CSMD3: variants seen among roughly 807,000 people sequenced by gnomAD.
CSMD3 encodes CUB and Sushi multiple domains 3.
In CSMD3, 177 loss-of-function variants were observed where a neutral mutation model predicts 435.2. The observed-to-expected ratio is 0.41, with a 90% CI of 0.36 to 0.46. CSMD3 has a LOEUF of 0.46. Ranked by LOEUF, CSMD3 falls within the 20% of genes least tolerant of loss-of-function variation. CSMD3 has a pLI of 0.34. For missense variants in CSMD3, 4,265 were observed against 4,504.6 expected (o/e 0.95, Z 1.52); for synonymous variants, 1,656 against 1,520.5 (o/e 1.09, Z -2.07).
At chr8:113,088,438 T>C (rs1564300497) in intron 5 of CSMD3, among the ~76,000 whole-genome samples, 1 of 146,700 alleles carries the variant, frequency 6.8e-6, no homozygotes, top group East Asian at 2.1e-4. Context: ...CTATTCACAA[T>C]AGCAAAGACT....
At chr8:113,342,432 T>C (rs758086172) in intron 1 of CSMD3, among the ~76,000 whole-genome samples, 14 of 152,184 alleles carry the variant, frequency 9.2e-5, no homozygotes, top group Non-Finnish European at 2.1e-4. Context: ...TTCATCAGTA[T>C]ATTATTGTAA....
chr8:113,383,051 T>C lies in CSMD3; in HGVS notation c.178+53626A>G, dbSNP rs996274068. 2.0e-5 allele frequency among the ~76,000 whole-genome samples: 3 copies of C among 152,190 alleles called. No individual in the cohort carries two copies. In the East Asian group the frequency reaches 5.8e-4, roughly 29 times the overall value. On this transcript the variant is annotated intron_variant, in intron 1 of 70. Transcript: ENST00000297405. Reference sequence around the variant, plus strand: ...ACTCTAGAATTTCACAGAGGATAGATTTTTAAGGAAATGAGAAAATCTGTT... The same window carrying C: ...ACTCTAGAATTTCACAGAGGATAGACTTTTAAGGAAATGAGAAAATCTGTT...
chr8:113,124,211 A>C (rs112654573), intron 4 of CSMD3, among the ~76,000 whole-genome samples: 14 of 152,100 alleles, frequency 9.2e-5, no homozygotes, highest in African/African-American at 3.4e-4. Context: ...GAGTGGGGTA[A>C]GGATAAGGAT....
intron 10 of CSMD3, among the ~76,000 whole-genome samples, chr8:112,894,371 A>T (rs1005499399): frequency 3.3e-5 from 5 of 151,390 alleles, no homozygotes; most frequent in Admixed American, 2.6e-4. Context: ...GAGCACTCTA[A>T]ATTCCTTGAG....
At chr8:113,260,513 A>G (rs2093418345) in intron 3 of CSMD3, among the ~76,000 whole-genome samples, 1 of 152,062 alleles carries the variant, frequency 6.6e-6, no homozygotes, top group South Asian at 2.1e-4. Flanking sequence ...GGCTATTTCT[A>G]TGGCTGTATA....
At chr8:112,550,547 A>G (rs1827589247) in intron 27 of CSMD3, 124 bp downstream of exon 27, 1 of 614,852 alleles carries the variant, frequency 1.6e-6, no homozygotes, top group African/African-American at 1.8e-5. Flanking sequence ...ATATAGGAAG[A>G]CTAGAAACAC....
intron 1 of CSMD3, among the ~76,000 whole-genome samples, chr8:113,327,832 T>C (rs1018500752): frequency 5.3e-5 from 8 of 151,268 alleles, no homozygotes; most frequent in African/African-American, 1.7e-4. Flanking sequence ...TCTGTGTAAA[T>C]TGGAACAAGA....
At chr8:113,050,887 T>C (rs993108150) in intron 5 of CSMD3, among the ~76,000 whole-genome samples, 4 of 152,054 alleles carry the variant, frequency 2.6e-5, no homozygotes, top group African/African-American at 9.7e-5. Context: ...ACTACATAAT[T>C]TGAGGGTAGA....
At chr8:112,561,086 G>C (rs1013358866) in intron 24 of CSMD3, among the ~76,000 whole-genome samples, 4 of 151,652 alleles carry the variant, frequency 2.6e-5, no homozygotes, top group Non-Finnish European at 5.9e-5. Flanking sequence ...ATGGACAATA[G>C]TATATAAGCT....
intron 13 of CSMD3, among the ~76,000 whole-genome samples, chr8:112,767,664 A>C: frequency 6.6e-6 from 1 of 151,922 alleles, no homozygotes; most frequent in Non-Finnish European, 1.5e-5. Context: ...TATTATTATT[A>C]TTTTTAATAA....
At chr8:113,135,627 TA>T (rs1445233614) in intron 4 of CSMD3, among the ~76,000 whole-genome samples, 2 of 151,904 alleles carry the variant, frequency 1.3e-5, no homozygotes, top group Admixed American at 6.6e-5. Context: ...ATTTAAATAT[TA>T]AAAATTTCCC....
intron 1 of CSMD3, among the ~76,000 whole-genome samples, chr8:113,379,708 A>C (rs2094406686): frequency 6.6e-6 from 1 of 152,242 alleles, no homozygotes; most frequent in Non-Finnish European, 1.5e-5. Flanking sequence ...AAATTAATCT[A>C]ATAATATAAT....
intron 16 of CSMD3, among the ~76,000 whole-genome samples, chr8:112,681,097 C>T (rs745393071): frequency 2.0e-5 from 3 of 150,364 alleles, no homozygotes; most frequent in Non-Finnish European, 4.4e-5. Context: ...TGCAGTGGCG[C>T]GATCTCAGCT....
At chr8:113,054,921 TC>T (rs2088253115) in intron 5 of CSMD3, among the ~76,000 whole-genome samples, 1 of 152,212 alleles carries the variant, frequency 6.6e-6, no homozygotes, top group Non-Finnish European at 1.5e-5. Flanking sequence ...TCTCTCGTTC[TC>T]ACTTTTCTTA....
intron 1 of CSMD3, among the ~76,000 whole-genome samples, chr8:113,432,617 TG>T (rs1476125402): frequency 3.3e-5 from 5 of 152,190 alleles, no homozygotes; most frequent in African/African-American, 7.2e-5. Context: ...TGAACGGATC[TG>T]GGGGACGGGG....
intron 3 of CSMD3, among the ~76,000 whole-genome samples, chr8:113,222,393 C>A (rs1181650513): frequency 1.3e-5 from 2 of 150,724 alleles, no homozygotes; most frequent in African/African-American, 4.8e-5. Flanking sequence ...ATTTCAATAT[C>A]TATTGATATG....
rs147296715 is a variant in CSMD3, at chr8:112,367,506, A to G, written c.6136+12846T>C. 9.3e-3 allele frequency among the ~76,000 whole-genome samples: 1,416 copies of G among 152,286 alleles called. 13 individuals are homozygous for G. Among genetic ancestry groups the G allele is most frequent in the Admixed American group, 0.014 (208 of 15,280 alleles). On this transcript the variant is annotated intron_variant, in intron 38 of 70. Coordinates refer to ENST00000297405, the MANE Select transcript of CSMD3 (RefSeq NM_198123.2). ...AGTGAAAAACAAAACAGAAGACCAG[A>G]AACCTGAGAATCATCCTCTACTCCT...
intron 31 of CSMD3, among the ~76,000 whole-genome samples, chr8:112,474,112 C>T (rs374844208): frequency 3.9e-5 from 6 of 152,254 alleles, no homozygotes; most frequent in African/African-American, 1.4e-4. Context: ...ACTGGAGCAG[C>T]TCTCTGCAAG....
At chr8:113,346,492 T>G (rs1363556280) in intron 1 of CSMD3, among the ~76,000 whole-genome samples, 1 of 152,140 alleles carries the variant, frequency 6.6e-6, no homozygotes, top group African/African-American at 2.4e-5. Flanking sequence ...TGGTAAAAAC[T>G]AGCTGACAAG....
Sources: allele counts gnomAD v4.1 joint callset (sites outside exome capture counted in the v4.1 genomes callset), GRCh38; gene constraint gnomAD v4.1.1; transcripts MANE v1.5; gene names NCBI Gene and HGNC (gene_info 2026-07-23, HGNC 2026-07-21).